Variants in FBLN1 observed in about 807,000 individuals in gnomAD.
FBLN1 encodes fibulin 1, also known as fibulin-1.
A neutral mutation model predicts 89.7 loss-of-function variants in FBLN1; 34 were observed. The ratio of observed to expected loss-of-function variants is 0.38; its 90% CI spans 0.29 to 0.50. The LOEUF is 0.50. Ranked by LOEUF, FBLN1 falls within the 20% of genes least tolerant of loss-of-function variation. The pLI is 0.92. For synonymous variants in FBLN1, 393 were observed against 391.3 expected (o/e 1.00, Z -0.05); for missense variants, 777 against 988.1 (o/e 0.79, Z 2.86).
intron 1 of FBLN1, 155 bp downstream of exon 1, chr22:45,503,219 C>T (rs918367629): frequency 1.0e-5 from 4 of 384,744 alleles, no homozygotes; most frequent in Non-Finnish European, 1.7e-5. Flanking sequence ...GCGACGCCCC[C>T]CTCCCCCACG....
At position 45,578,371 on chromosome 22, in the gene FBLN1, C is replaced by T. The variant is rs934986616; in HGVS notation, c.1972+1263C>T. Reference sequence around the variant, plus strand: ...CTGAGTCACTGGGGGGCTCCCCACCCCAGCCTCCTCCTGCGCTAGCTGGCA... The same window carrying T: ...CTGAGTCACTGGGGGGCTCCCCACCTCAGCCTCCTCCTGCGCTAGCTGGCA... On this transcript the variant is annotated intron_variant, in intron 16 of 16. Coordinates refer to ENST00000327858, the MANE Select transcript of FBLN1 (RefSeq NM_006486.3). This position sits in a 1 kb window ranked among gnomAD's most constrained non-coding sequence, Gnocchi z 4.6. 10 of 152,230 alleles carry T rather than the reference C, an allele frequency of 6.6e-5. No homozygotes were observed. The highest frequency in any genetic ancestry group is 1.5e-4 in the Non-Finnish European group (10 of 68,044). 9.4% of individuals were successfully genotyped at this position (152,230 alleles called of 1,614,324 possible).
In FBLN1 at chr22:45,572,345, G is replaced by A. The variant is rs2147024421; in HGVS notation, c.1698-2166G>A. Among the ~76,000 whole-genome samples the A allele has an allele frequency of 6.6e-6, 1 of 152,214 alleles. No homozygotes were observed. The highest frequency in any genetic ancestry group is 1.9e-4 in the East Asian group (1 of 5,182). On this transcript the variant is annotated intron_variant, in intron 14 of 16. Coordinates refer to ENST00000327858, the MANE Select transcript of FBLN1 (RefSeq NM_006486.3). The surrounding 1 kb of genome is among the most constrained non-coding windows in gnomAD (Gnocchi z 5.8). ...CTTCATTTTCCCTCTGGCAAGAGAT[G>A]GGAAAATTTGAGTTTCAACAAAGGA... is the stretch of plus-strand genomic sequence containing the variant.
intron 16 of FBLN1, among the ~76,000 whole-genome samples, chr22:45,593,682 TC>T (rs2089158605): frequency 6.6e-6 from 1 of 152,168 alleles, no homozygotes; most frequent in Non-Finnish European, 1.5e-5. Flanking sequence ...GGGTGGTCCT[TC>T]CAAATGAAAC....
chr22:45,529,399 G>A (rs1345518270), intron 4 of FBLN1, among the ~76,000 whole-genome samples: 1 of 152,224 alleles, frequency 6.6e-6, no homozygotes, highest in East Asian at 1.9e-4. Context: ...CAGTTACAGG[G>A]TTCAGGAGAC....
At chr22:45,534,142 C>T (rs937614725) in intron 7 of FBLN1, among the ~76,000 whole-genome samples, 1 of 151,978 alleles carries the variant, frequency 6.6e-6, no homozygotes, top group African/African-American at 2.4e-5. Flanking sequence ...AGTAGTGCAC[C>T]GGTGCCAGCT....
Position 45,561,126 on chromosome 22 carries a change from C to A in FBLN1, c.1697+10511C>A, listed in dbSNP as rs1177660638. Reference sequence around the variant, plus strand: ...CCATTCCAAGTTGCAGGGTCCCATTCTTTTTCAATCAATGCCCTCACTTTA... The same window carrying A: ...CCATTCCAAGTTGCAGGGTCCCATTATTTTTCAATCAATGCCCTCACTTTA... On this transcript the variant is annotated intron_variant, in intron 14 of 16. Transcript: ENST00000327858. This position sits in a 1 kb window ranked among gnomAD's most constrained non-coding sequence, Gnocchi z 4.7. Among the ~76,000 whole-genome samples the A allele has an allele frequency of 6.6e-6, 1 of 152,196 alleles. No homozygotes were observed. The highest frequency in any genetic ancestry group is 1.5e-5 in the Non-Finnish European group (1 of 68,048).
rs78571050 is a variant in FBLN1 at position 45,575,580 on chromosome 22, G to A, written c.1840+927G>A. On this transcript the variant is annotated intron_variant, in intron 15 of 16. Coordinates refer to ENST00000327858, the MANE Select transcript of FBLN1 (RefSeq NM_006486.3). This position sits in a 1 kb window ranked among gnomAD's most constrained non-coding sequence, Gnocchi z 6.3. ...ACATCATCCTGTTGATCCAGGGCCA[G>A]GTGAACTGGAGGGGCCAGACGGGGA... Among the ~76,000 whole-genome samples, 2,874 of 152,290 alleles carry A rather than the reference G, an allele frequency of 0.019. 91 individuals carry two copies. Among genetic ancestry groups the A allele is most frequent in the African/African-American group, 0.066 (2,745 of 41,550 alleles).
chr22:45,524,594 T>C (rs926440187), intron 2 of FBLN1, among the ~76,000 whole-genome samples: 5 of 152,096 alleles, frequency 3.3e-5, no homozygotes, highest in Non-Finnish European at 4.4e-5. Context: ...GAACGAGCAC[T>C]GAGAAGAGCT....
intron 1 of FBLN1, among the ~76,000 whole-genome samples, chr22:45,505,015 C>G (rs560606994): frequency 1.3e-5 from 2 of 152,354 alleles, no homozygotes; most frequent in Admixed American, 1.3e-4. Flanking sequence ...CGCCCCTGCT[C>G]TCAGAGAGCT....
chr22:45,519,844 A>G (rs2088225383), intron 2 of FBLN1, among the ~76,000 whole-genome samples: 1 of 151,818 alleles, frequency 6.6e-6, no homozygotes, highest in African/African-American at 2.4e-5. Context: ...GCTCAAAGGC[A>G]CCATGATACC....
rs1419260399 is a variant in FBLN1, at chr22:45,564,972, G to C, written c.1698-9539G>C. 7 of 1,614,056 alleles carry C rather than the reference G, an allele frequency of 4.3e-6. No individual in the cohort carries two copies. In the Admixed American group the frequency reaches 1.2e-4, roughly 27 times the overall value. On this transcript the variant is annotated intron_variant, in intron 14 of 16. Transcript: ENST00000327858. ...TCTTCCATGGAAGCAGGGGTTGGAG[G>C]ATACCCACCTTGATGCCTAGTGAGG...
At chr22:45,509,695 C>T (rs2088072370) in intron 1 of FBLN1, among the ~76,000 whole-genome samples, 1 of 152,028 alleles carries the variant, frequency 6.6e-6, no homozygotes, top group Non-Finnish European at 1.5e-5. Context: ...GCCTGTAATC[C>T]CAGCTACTCA....
chr22:45,541,413 C>A (rs1239996759), intron 9 of FBLN1, 41 bp downstream of exon 9: 2 of 1,613,054 alleles, frequency 1.2e-6, no homozygotes, highest in Admixed American at 3.3e-5. Flanking sequence ...ACTTTCCTGT[C>A]TGCTTCCAGC....
chr22:45,547,771 C>T (rs927835005), intron 12 of FBLN1, among the ~76,000 whole-genome samples: 16 of 151,932 alleles, frequency 1.1e-4, no homozygotes, highest in African/African-American at 3.9e-4. Flanking sequence ...CCACTCCTGA[C>T]TTGTTCTTTA....
intron 1 of FBLN1, among the ~76,000 whole-genome samples, chr22:45,509,591 C>G (rs1198288091): frequency 2.6e-5 from 4 of 152,170 alleles, no homozygotes; most frequent in East Asian, 3.9e-4. Context: ...GGACATAGGC[C>G]AATCTGGCTG....
chr22:45,527,799 G>C, intron 3 of FBLN1, 48 bp from the exon 4 acceptor site: 1 of 1,610,112 alleles, frequency 6.2e-7, no homozygotes, highest in Non-Finnish European at 8.5e-7. Context: ...GGACCCCGCT[G>C]GGCTGTCTGC....
intron 4 of FBLN1, 145 bp downstream of exon 4, chr22:45,528,154 C>A (rs1036906650): frequency 1.3e-5 from 12 of 934,854 alleles, no homozygotes; most frequent in African/African-American, 8.1e-5. Context: ...GCAGGGCAGG[C>A]CTTCAGGCTG....
chr22:45,569,642 AAAGAAGAAG>A (rs56907104), intron 14 of FBLN1, among the ~76,000 whole-genome samples: 3,852 of 149,834 alleles, frequency 0.026, 64 homozygotes, highest in Middle Eastern at 0.034. Context: ...CTGTCTCAAA[AAAGAAGAAG>A]AAGAAGAAGA....
chr22:45,589,535 G>A (rs949908370), intron 16 of FBLN1, among the ~76,000 whole-genome samples: 1 of 152,150 alleles, frequency 6.6e-6, no homozygotes, highest in Non-Finnish European at 1.5e-5. Flanking sequence ...GCTCCAGCCT[G>A]GGGGGGCTCT....
Sources: allele counts gnomAD v4.1 joint callset (sites outside exome capture counted in the v4.1 genomes callset), GRCh38; gene constraint gnomAD v4.1.1; non-coding constraint Gnocchi (gnomAD v3.1); transcripts MANE v1.5; gene names NCBI Gene and HGNC (gene_info 2026-07-23, HGNC 2026-07-21).